The following PMFBP1 variants were observed in gnomAD, a reference collection of about 807,000 sequenced individuals.
PMFBP1 encodes the protein polyamine-modulated factor 1-binding protein 1.
Under a neutral mutation model 137.8 loss-of-function variants are expected in PMFBP1, and 131 were observed. The ratio of observed to expected loss-of-function variants is 0.95; its 90% CI spans 0.82 to 1.10. PMFBP1 has a LOEUF of 1.10. Among genes scored for constraint, PMFBP1 ranks in the 50% least tolerant of loss-of-function variants. PMFBP1 has a pLI of 0.00. For missense variants in PMFBP1, 1,199 were observed against 1,175.4 expected (o/e 1.02, Z -0.29); for synonymous variants, 490 against 450.4 (o/e 1.09, Z -1.11).
chr16:72,205,255 C>T, the PMFBP1 span, among the ~76,000 whole-genome samples: 1 of 152,274 alleles, frequency 6.6e-6, no homozygotes, highest in African/African-American at 2.4e-5. Context: ...TCTTGCACTC[C>T]AAAGCGCTGA....
At chr16:72,135,959 T>G (rs1248896449) in intron 9 of PMFBP1, among the ~76,000 whole-genome samples, 1 of 151,730 alleles carries the variant, frequency 6.6e-6, no homozygotes, top group Non-Finnish European at 1.5e-5. Context: ...TTCATCATGT[T>G]ACCCAGGCTG....
chr16:72,228,878 C>T, the PMFBP1 span, among the ~76,000 whole-genome samples: 18 of 137,492 alleles, frequency 1.3e-4, no homozygotes, highest in African/African-American at 4.3e-4. Flanking sequence ...ATTTTAGGTT[C>T]GGGGGTACAT....
intron 18 of PMFBP1, 65 bp downstream of exon 18, chr16:72,123,481 C>A (rs970590967): frequency 1.4e-6 from 2 of 1,403,818 alleles, no homozygotes; most frequent in Non-Finnish European, 2.0e-6. Flanking sequence ...ATCTTTGGCA[C>A]GCATGTGGCT....
the PMFBP1 span, among the ~76,000 whole-genome samples, chr16:72,238,039 G>C: frequency 1.3e-5 from 2 of 152,172 alleles, no homozygotes; most frequent in African/African-American, 4.8e-5. Flanking sequence ...TGTTTATCCA[G>C]TCTATCATTG....
Position 72,120,130 on chromosome 16 carries a change from T to C in PMFBP1, c.2769-41A>G, listed in dbSNP as rs367961972. Reference sequence around the variant, plus strand: ...GAAGGACGGGTTGTGTTGGGGCTGCTGGCTCTGGTTGGTTCCCTGCTAGAA... The same window carrying C: ...GAAGGACGGGTTGTGTTGGGGCTGCCGGCTCTGGTTGGTTCCCTGCTAGAA... On this transcript the variant is annotated intron_variant, in intron 19 of 20. Coordinates refer to ENST00000237353, the MANE Select transcript of PMFBP1 (RefSeq NM_031293.3). 5 of 1,613,472 alleles carry C rather than the reference T, an allele frequency of 3.1e-6. No homozygotes were observed. In the African/African-American group the frequency reaches 4.0e-5, roughly 13 times the overall value.
chr16:72,185,416 C>A, the PMFBP1 span, among the ~76,000 whole-genome samples: 1 of 152,196 alleles, frequency 6.6e-6, no homozygotes, highest in African/African-American at 2.4e-5. Context: ...GACACACACC[C>A]AGTCCTTGGA....
chr16:72,142,878 A>G (rs947272989), intron 5 of PMFBP1, among the ~76,000 whole-genome samples: 1 of 152,236 alleles, frequency 6.6e-6, no homozygotes, highest in Non-Finnish European at 1.5e-5. Flanking sequence ...CATAATCCAG[A>G]CACCAATATG....
the PMFBP1 span, among the ~76,000 whole-genome samples, chr16:72,199,374 C>T: frequency 6.6e-6 from 1 of 152,188 alleles, no homozygotes; most frequent in Admixed American, 6.5e-5. Context: ...AAAAATGTGG[C>T]TGGGTGCGGT....
At chr16:72,124,728 G>T (rs200553562) in intron 17 of PMFBP1, 39 bp downstream of exon 17, 2 of 1,598,782 alleles carry the variant, frequency 1.3e-6, no homozygotes, top group African/African-American at 2.7e-5. Flanking sequence ...GTGCCTGGAG[G>T]CACTGAGAGG....
At chr16:72,178,452 A>G (rs934421407), upstream of PMFBP1, among the ~76,000 whole-genome samples, 2 of 152,188 alleles carry the variant, frequency 1.3e-5, no homozygotes, top group African/African-American at 4.8e-5. Flanking sequence ...CTCACTTGCA[A>G]TAATTGTTAC....
At chr16:72,135,540 C>T (rs1278922023) in intron 9 of PMFBP1, among the ~76,000 whole-genome samples, 1 of 151,684 alleles carries the variant, frequency 6.6e-6, no homozygotes, top group Non-Finnish European at 1.5e-5. Context: ...TTTTTAATAG[C>T]TCTGACGGAA....
chr16:72,183,399 T>C, the PMFBP1 span, among the ~76,000 whole-genome samples: 1 of 152,166 alleles, frequency 6.6e-6, no homozygotes, highest in Non-Finnish European at 1.5e-5. Flanking sequence ...ATTGGTTCCA[T>C]GTCTCTCTGC....
intron 5 of PMFBP1, among the ~76,000 whole-genome samples, chr16:72,145,019 C>T (rs1195535960): frequency 1.3e-5 from 2 of 152,128 alleles, no homozygotes; most frequent in African/African-American, 2.4e-5. Context: ...CTCAGCTCTG[C>T]ACCAAGCGGA....
At position 72,126,096 on chromosome 16, in the gene PMFBP1, C is replaced by A. The variant is rs770936881; in HGVS notation, c.2125G>T (p.Ala709Ser). Residue 709 changes from alanine (A) to serine (S), a missense_variant, in exon 15 of 21, where the codon GCC (alanine) becomes TCC (serine). Coordinates refer to ENST00000237353, the MANE Select transcript of PMFBP1 (RefSeq NM_031293.3). ...LQKESLMSLQAQLDKALQKEK... is the reference protein window; with the variant it reads ...LQKESLMSLQSQLDKALQKEK... Reference sequence around the variant, plus strand: ...TTCTGCAGAGCTTTGTCCAGCTGGGCCTGCAGGCTCATTAAGGACTCCTTC... The same window carrying A: ...TTCTGCAGAGCTTTGTCCAGCTGGGACTGCAGGCTCATTAAGGACTCCTTC... 6.2e-7 allele frequency: 1 copy of A among 1,614,118 alleles called. No individual in the cohort carries two copies. The highest frequency in any genetic ancestry group is 1.1e-5 in the South Asian group (1 of 91,074).
chr16:72,197,792 T>C, the PMFBP1 span, among the ~76,000 whole-genome samples: 1 of 152,152 alleles, frequency 6.6e-6, no homozygotes, highest in Non-Finnish European at 1.5e-5. Flanking sequence ...GCAGTGTGCC[T>C]CAGAGGGTCA....
the PMFBP1 span, among the ~76,000 whole-genome samples, chr16:72,186,760 A>G: frequency 1.3e-5 from 2 of 152,206 alleles, no homozygotes; most frequent in Admixed American, 6.5e-5. Context: ...TCACTGTAAC[A>G]GTATATTATA....
At chr16:72,188,639 A>G in the PMFBP1 span, among the ~76,000 whole-genome samples, 2 of 152,212 alleles carry the variant, frequency 1.3e-5, no homozygotes, top group Admixed American at 6.5e-5. Flanking sequence ...AGAAAGGTAC[A>G]GTGTGTGCCA....
the PMFBP1 span, among the ~76,000 whole-genome samples, chr16:72,215,580 CT>C: frequency 6.6e-6 from 1 of 152,182 alleles, no homozygotes; most frequent in South Asian, 2.1e-4. Flanking sequence ...GAAGAGTTTA[CT>C]TGTCTTAGAC....
At chr16:72,170,905 A>G (rs1597495888) in intron 2 of PMFBP1, among the ~76,000 whole-genome samples, 2 of 152,258 alleles carry the variant, frequency 1.3e-5, no homozygotes, top group East Asian at 3.9e-4. Context: ...CATCATTCAT[A>G]TTTTCTAGAT....
Sources: allele counts gnomAD v4.1 joint callset (sites outside exome capture counted in the v4.1 genomes callset), GRCh38; gene constraint gnomAD v4.1.1; transcripts MANE v1.5; gene names NCBI Gene and HGNC (gene_info 2026-07-23, HGNC 2026-07-21).